The following SCML4 variants were observed in gnomAD, a reference collection of about 807,000 sequenced individuals.
The protein encoded by SCML4 is Scm polycomb group protein like 4.
In SCML4, 34 loss-of-function variants were observed where a neutral mutation model predicts 41.1. That is an observed-to-expected ratio of 0.83 (90% confidence interval 0.63 to 1.10). SCML4 has a LOEUF of 1.10. Among genes scored for constraint, SCML4 ranks in the 50% least tolerant of loss-of-function variants. The pLI, the probability that SCML4 is intolerant of heterozygous loss-of-function variation, is 0.00. For synonymous variants in SCML4, 214 were observed against 220.9 expected (o/e 0.97, Z 0.28); for missense variants, 522 against 534.1 (o/e 0.98, Z 0.22).
intron 2 of SCML4, among the ~76,000 whole-genome samples, chr6:107,764,833 A>G (rs1779904406): frequency 6.6e-6 from 1 of 152,144 alleles, no homozygotes; most frequent in African/African-American, 2.4e-5. Flanking sequence ...GTGGTAGTGA[A>G]TAAGTCTCAC....
chr6:107,746,628 G>T lies in SCML4; in HGVS notation c.487+61C>A, dbSNP rs1659172061. Reference sequence around the variant, plus strand: ...ACCTGCTGTCTCCAGGCCTGAGTATGGCTGCTTCCTCTGCAGAGAGACATC... The same window carrying T: ...ACCTGCTGTCTCCAGGCCTGAGTATTGCTGCTTCCTCTGCAGAGAGACATC... On this transcript the variant is annotated intron_variant, in intron 4 of 7. Transcript: ENST00000369020. 5.4e-6 allele frequency: 8 copies of T among 1,476,626 alleles called. No homozygotes were observed. In the Admixed American group the frequency reaches 1.4e-4, roughly 25 times the overall value. The allele number at this position is 1,476,626 out of a possible 1,614,324, so 91.5% of individuals were successfully genotyped here.
At chr6:107,745,618 C>T (rs929548751) in intron 4 of SCML4, 3 of 153,194 alleles carry the variant, frequency 2.0e-5, no homozygotes, top group African/African-American at 7.2e-5. Flanking sequence ...ACAAGACATG[C>T]CCTGAGATGG....
At chr6:107,770,983 AAG>A (rs1348727525) in intron 2 of SCML4, among the ~76,000 whole-genome samples, 2 of 152,200 alleles carry the variant, frequency 1.3e-5, no homozygotes, top group Admixed American at 6.5e-5. Context: ...ACGCCAGCTT[AAG>A]AGAGAGTTCT....
rs1214213746 is a variant in SCML4, at chr6:107,720,861, TG to T, written c.814del (p.Gln272ArgfsTer34). On this transcript the variant is annotated frameshift_variant, in exon 6 of 8. Transcript: ENST00000369020. LOFTEE classifies it high-confidence loss of function. ...HPSSSLYCKR[Q>X]NSGDSHLGGG... is the part of the protein sequence containing the mutation. ...CCCAAGGTGGCTGTCTCCAGAGTTC[TG>T]CCTCTTGCAGTACAGCGAGGAGGAG... The T allele has an allele frequency of 6.2e-7, 1 of 1,614,088 alleles. No individual in the cohort carries two copies. The highest frequency in any genetic ancestry group is 1.3e-5 in the African/African-American group (1 of 74,932).
At position 107,720,954 on chromosome 6, in the gene SCML4, A is replaced by C; in HGVS notation, c.722T>G (p.Val241Gly). The C allele has an allele frequency of 6.2e-7, 1 of 1,613,578 alleles. No homozygotes were observed. ...VTTEEYLVNP[V>G]GMNRYSVDTS... ...GTCCACGCTGTAGCGGTTCATGCCC[A>C]CAGGGTTCACCAGGTACTCTTCGGT... The change falls in exon 6 of 8, where the codon GTG (valine) becomes GGG (glycine). Residue 241 changes from valine to glycine, a missense_variant. By Grantham distance (109) the Val-to-Gly change is moderately radical (BLOSUM62 -3). Coordinates refer to ENST00000369020, the MANE Select transcript of SCML4 (RefSeq NM_198081.5).
intron 1 of SCML4, among the ~76,000 whole-genome samples, chr6:107,807,025 G>A (rs1053222718): frequency 6.6e-6 from 1 of 150,940 alleles, no homozygotes. Flanking sequence ...TGAGTCTTAA[G>A]GGACTGGAAA....
At chr6:107,755,592 G>A (rs751051163) in intron 2 of SCML4, 2 of 1,346,726 alleles carry the variant, frequency 1.5e-6, no homozygotes, top group South Asian at 1.2e-5. Flanking sequence ...GGAATGGGGG[G>A]GTTCTCTGCC....
intron 1 of SCML4, among the ~76,000 whole-genome samples, chr6:107,816,110 G>A (rs986090802): frequency 9.2e-5 from 14 of 152,182 alleles, no homozygotes; most frequent in Non-Finnish European, 1.9e-4. Flanking sequence ...GACTCCTAGG[G>A]CCATGTGGCC....
upstream of SCML4, among the ~76,000 whole-genome samples, chr6:107,827,081 T>A (rs1049834379): frequency 6.0e-5 from 9 of 149,284 alleles, no homozygotes; most frequent in East Asian, 3.9e-4. Context: ...TATATATTTT[T>A]TATATATATG....
chr6:107,745,637 C>G (rs1778003156), intron 4 of SCML4: 1 of 152,940 alleles, frequency 6.5e-6, no homozygotes, highest in African/African-American at 2.4e-5. Flanking sequence ...GGGGTTGAAG[C>G]CATGATGTTT....
chr6:107,814,220 G>A (rs1784404655), intron 1 of SCML4, among the ~76,000 whole-genome samples: 2 of 152,232 alleles, frequency 1.3e-5, no homozygotes, highest in African/African-American at 2.4e-5. Context: ...TGAACAAGGA[G>A]AAAGTCCTCA....
At chr6:107,773,237 C>A (rs1780654575) in intron 1 of SCML4, among the ~76,000 whole-genome samples, 1 of 152,120 alleles carries the variant, frequency 6.6e-6, no homozygotes, top group Non-Finnish European at 1.5e-5. Context: ...CATGTACAAT[C>A]CTTTGTACAG....
At chr6:107,835,696 C>T in the SCML4 span, among the ~76,000 whole-genome samples, 1 of 135,706 alleles carries the variant, frequency 7.4e-6, no homozygotes, top group Non-Finnish European at 1.5e-5. Flanking sequence ...GCCAGGAAGT[C>T]GAGGCTGCAG....
At chr6:107,789,739 G>A (rs889833348) in intron 1 of SCML4, among the ~76,000 whole-genome samples, 1 of 152,194 alleles carries the variant, frequency 6.6e-6, no homozygotes, top group Non-Finnish European at 1.5e-5. Flanking sequence ...CACACCTGTG[G>A]AAGGGAGGAT....
the SCML4 span, among the ~76,000 whole-genome samples, chr6:107,835,597 T>A: frequency 6.6e-6 from 1 of 151,276 alleles, no homozygotes; most frequent in Admixed American, 6.6e-5. Context: ...AAAAATTATC[T>A]GGGCATGGTG....
At chr6:107,786,743 A>T (rs146018894) in intron 1 of SCML4, among the ~76,000 whole-genome samples, 1 of 152,320 alleles carries the variant, frequency 6.6e-6, no homozygotes, top group Non-Finnish European at 1.5e-5. Context: ...GCACTGAGGC[A>T]GCAGAGTCCA....
chr6:107,778,196 CAAAAAAAAAAAAAAAA>C (rs1171221403), intron 1 of SCML4, among the ~76,000 whole-genome samples: 18 of 7,744 alleles, frequency 2.3e-3, no homozygotes, highest in East Asian at 0.017. Flanking sequence ...GACTCTATCT[CAAAAAAAAAAAAAAAA>C]AAAAAAAAAA....
chr6:107,766,092 C>T (rs1377646025), intron 2 of SCML4, among the ~76,000 whole-genome samples: 4 of 152,234 alleles, frequency 2.6e-5, no homozygotes, highest in East Asian at 1.9e-4. Context: ...CAAGGTTGGC[C>T]GGGTGCAGTC....
the SCML4 span, among the ~76,000 whole-genome samples, chr6:107,832,098 G>A: frequency 6.6e-6 from 1 of 151,624 alleles, no homozygotes; most frequent in African/African-American, 2.4e-5. Context: ...AATTAGCCCG[G>A]GGTGGTGGTG....
Sources: allele counts gnomAD v4.1 joint callset (sites outside exome capture counted in the v4.1 genomes callset), GRCh38; gene constraint gnomAD v4.1.1; transcripts MANE v1.5; gene names NCBI Gene and HGNC (gene_info 2026-07-23, HGNC 2026-07-21).